The following DNAH7 variants were observed in gnomAD, a reference collection of about 807,000 sequenced individuals.
The protein encoded by DNAH7 is axonemal beta dynein heavy chain 7.
In DNAH7, 397 loss-of-function variants were observed where a neutral mutation model predicts 444.6. The observed-to-expected ratio is 0.89, with a 90% CI of 0.82 to 0.97. The LOEUF is 0.97. Among genes scored for constraint, DNAH7 ranks in the 50% least tolerant of loss-of-function variants. DNAH7 has a pLI of 0.00. For synonymous variants in DNAH7, 1,636 were observed against 1,624.4 expected (o/e 1.01, Z -0.17); for missense variants, 4,902 against 4,800.8 (o/e 1.02, Z -0.62).
At chr2:196,032,108 A>G (rs899455855) in intron 5 of DNAH7, among the ~76,000 whole-genome samples, 1 of 152,224 alleles carries the variant, frequency 6.6e-6, no homozygotes, top group Non-Finnish European at 1.5e-5. Context: ...GGCAGAAGGC[A>G]AAAGGCACTT....
At chr2:196,030,968 C>T (rs745804265) in intron 5 of DNAH7, among the ~76,000 whole-genome samples, 2 of 152,248 alleles carry the variant, frequency 1.3e-5, no homozygotes, top group Non-Finnish European at 2.9e-5. Flanking sequence ...CACAGCTCCA[C>T]TAGGCGGTGC....
chr2:195,980,308 C>T (rs1692489006), intron 15 of DNAH7, among the ~76,000 whole-genome samples: 1 of 152,132 alleles, frequency 6.6e-6, no homozygotes, highest in Non-Finnish European at 1.5e-5. Context: ...TCTTTGCCTT[C>T]CTGCTGCCAT....
intron 23 of DNAH7, 37 bp downstream of exon 23, chr2:195,923,558 A>G (rs1287465625): frequency 6.3e-7 from 1 of 1,590,748 alleles, no homozygotes; most frequent in South Asian, 1.1e-5. Context: ...ACGAGCTGAA[A>G]TTGCTGTGTA....
At chr2:196,041,317 C>A (rs1696745024) in intron 5 of DNAH7, among the ~76,000 whole-genome samples, 1 of 151,978 alleles carries the variant, frequency 6.6e-6, no homozygotes, top group Admixed American at 6.6e-5. Context: ...AAATACAGTA[C>A]AAAGCTATAG....
At chr2:195,822,150 C>CATTAA (rs1697504799) in intron 49 of DNAH7, among the ~76,000 whole-genome samples, 1 of 152,212 alleles carries the variant, frequency 6.6e-6, no homozygotes, top group Non-Finnish European at 1.5e-5. Flanking sequence ...TAATTCTCTA[C>CATTAA]TGCTTTGCCA....
chr2:195,854,187 T>C lies in DNAH7; in HGVS notation c.8596-659A>G, dbSNP rs117484762. ...TGAAAAGTTATTTCAGTTCACACAA[T>C]AGCAATATTCCAGCAGAATATGTGA... is the stretch of plus-strand genomic sequence containing the variant. On this transcript the variant is annotated intron_variant, in intron 45 of 64. Coordinates refer to ENST00000312428, the MANE Select transcript of DNAH7 (RefSeq NM_018897.3). Among the ~76,000 whole-genome samples, 115 of 152,256 alleles carry C rather than the reference T, an allele frequency of 7.6e-4. 2 individuals are homozygous for C. The East Asian group carries it at 0.02, about 27-fold the overall frequency.
Position 195,861,822 on chromosome 2 carries a change from AAATCTATAGTAG to A in DNAH7, c.7619_7630del (p.Ser2540_Asp2543del). On this transcript the variant is annotated inframe_deletion, in exon 42 of 65. Coordinates refer to ENST00000312428, the MANE Select transcript of DNAH7 (RefSeq NM_018897.3). ...AAGTTCAACAAAGAAAGATTTGGAT[AAATCTATAGTAG>A]AAGTGTGGAAGCTTTTACACATGTC... The A allele has an allele frequency of 6.2e-7, 1 of 1,613,750 alleles. No homozygotes were observed.
chr2:195,929,607 A>C (rs1688556751), intron 21 of DNAH7, among the ~76,000 whole-genome samples: 1 of 152,240 alleles, frequency 6.6e-6, no homozygotes, highest in African/African-American at 2.4e-5. Flanking sequence ...AAGTCAACAA[A>C]AATAAGCAAT....
intron 27 of DNAH7, among the ~76,000 whole-genome samples, chr2:195,906,448 TCTTTC>T (rs1687024833): frequency 7.6e-6 from 1 of 132,010 alleles, no homozygotes; most frequent in African/African-American, 3.5e-5. Context: ...ATATTTTCTT[TCTTTC>T]TTTTTTTTTT....
In DNAH7 at chr2:195,972,322, A is replaced by G. The variant is rs1431536125; in HGVS notation, c.1978T>C (p.Tyr660His). 3.1e-6 allele frequency: 5 copies of G among 1,614,086 alleles called. No individual in the cohort carries two copies. The highest frequency in any genetic ancestry group is 4.2e-6 in the Non-Finnish European group (5 of 1,179,964). ...TCAAAAATTTCTCCCATCCTTCCAT[A>G]CCACTGGAAAACACTATTATTTAGC... Reference protein sequence around the residue: ...MRLNNSVFQWYGRMGEIFEEH... With the variant: ...MRLNNSVFQWHGRMGEIFEEH... The change falls in exon 16 of 65, where the codon TAT becomes CAT. Residue 660 changes from tyrosine (Y) to histidine (H), a missense_variant. Tyr to His is a moderately conservative substitution (Grantham distance 83). Coordinates refer to ENST00000312428, the MANE Select transcript of DNAH7 (RefSeq NM_018897.3).
At chr2:195,748,089 T>C (rs1314852055) in intron 63 of DNAH7, among the ~76,000 whole-genome samples, 3 of 152,192 alleles carry the variant, frequency 2.0e-5, no homozygotes, top group East Asian at 3.8e-4. Context: ...GAAAACCCCA[T>C]TGTCTCAGCC....
intron 34 of DNAH7, among the ~76,000 whole-genome samples, chr2:195,885,596 G>A (rs148550088): frequency 7.4e-4 from 113 of 152,180 alleles, no homozygotes; most frequent in South Asian, 2.9e-3. Context: ...GTGCTACCAC[G>A]AGTAATGCAG....
In DNAH7 at chr2:196,000,762, A is replaced by T; in HGVS notation, c.1295T>A (p.Val432Asp). Residue 432 changes from valine (V) to aspartate (D), a missense_variant, in exon 12 of 65, where the codon GTC becomes GAC. Coordinates refer to ENST00000312428, the MANE Select transcript of DNAH7 (RefSeq NM_018897.3). ...YIDIFLNVYD[V>D]MIKAVSFVPR... ...CACAAAACTGACAGCTTTAATCATG[A>T]CGTCATAAACATTTAGAAAGATATC... 1 of 1,595,378 alleles carries T rather than the reference A, an allele frequency of 6.3e-7. No individual in the cohort carries two copies. The highest frequency in any genetic ancestry group is 8.5e-7 in the Non-Finnish European group (1 of 1,170,426).
At chr2:195,969,319 G>T (rs956571564) in intron 17 of DNAH7, among the ~76,000 whole-genome samples, 1 of 152,128 alleles carries the variant, frequency 6.6e-6, no homozygotes, top group Non-Finnish European at 1.5e-5. Context: ...GAACTAATAA[G>T]ATATTAAGAT....
At chr2:196,066,981 G>A (rs1242568934) in intron 1 of DNAH7, among the ~76,000 whole-genome samples, 2 of 152,134 alleles carry the variant, frequency 1.3e-5, no homozygotes, top group Non-Finnish European at 2.9e-5. Context: ...AGTGATAGAG[G>A]GCCCTCTGCT....
rs1248535171 is a variant in DNAH7 at position 195,876,595 on chromosome 2, T to A, written c.6066A>T (p.Lys2022Asn). The change falls in exon 37 of 65, where the codon AAA becomes AAT. Residue 2022 changes from lysine to asparagine, a missense_variant. Physicochemically the swap from Lys to Asn is moderately conservative, Grantham distance 94 (BLOSUM62 0). Transcript: ENST00000312428. ...AAQTQNIVMS[K>N]LDKRRKGVFG... Reference sequence around the variant, plus strand: ...AAACTCCCTTTCTTCTCTTGTCCAATTTTGACATGACAATATTCTGAGTTT... The same window carrying A: ...AAACTCCCTTTCTTCTCTTGTCCAAATTTGACATGACAATATTCTGAGTTT... The A allele has an allele frequency of 2.5e-6, 4 of 1,613,944 alleles. No individual in the cohort carries two copies. Among genetic ancestry groups the A allele is most frequent in the Non-Finnish European group, 3.4e-6 (4 of 1,179,886 alleles).
intron 49 of DNAH7, among the ~76,000 whole-genome samples, chr2:195,818,113 A>G (rs1390915282): frequency 1.3e-5 from 2 of 152,222 alleles, no homozygotes; most frequent in Non-Finnish European, 2.9e-5. Context: ...AGAACTCTTT[A>G]ACAGCAAAAT....
At position 195,888,969 on chromosome 2, in the gene DNAH7, T is replaced by G. The variant is rs1241401847; in HGVS notation, c.5059A>C (p.Lys1687Gln). 6 of 1,612,656 alleles carry G rather than the reference T, an allele frequency of 3.7e-6. No individual in the cohort carries two copies. The highest frequency in any genetic ancestry group is 5.1e-6 in the Non-Finnish European group (6 of 1,179,572). The change falls in exon 32 of 65, where the codon AAA (lysine) becomes CAA (glutamine). Residue 1687 changes from lysine to glutamine, a missense_variant. Physicochemically the swap from Lys to Gln is moderately conservative, Grantham distance 53 (BLOSUM62 1). Transcript: ENST00000312428. ...ACTGGGCCATCAAAAATTAACCATTTCCTATCTGGAGTCTGTTTCATGCAT... is the reference window on the plus strand; with the variant it reads ...ACTGGGCCATCAAAAATTAACCATTGCCTATCTGGAGTCTGTTTCATGCAT... ...AFASSVTPDRKWLIFDGPVDA... is the reference protein window; with the variant it reads ...AFASSVTPDRQWLIFDGPVDA...
intron 1 of DNAH7, among the ~76,000 whole-genome samples, chr2:196,062,889 T>A (rs1168265077): frequency 2.0e-5 from 3 of 152,226 alleles, no homozygotes; most frequent in African/African-American, 7.2e-5. Context: ...TGTTTTTGTT[T>A]TTTGTTTGTT....
Sources: gnomAD v4.1 joint callset for allele counts (sites outside exome capture counted in the v4.1 genomes callset) on GRCh38, gnomAD v4.1.1 for gene constraint, MANE v1.5 for transcripts, NCBI Gene and HGNC (gene_info 2026-07-23, HGNC 2026-07-21) for gene names.